The following KCNJ6 variants were observed in gnomAD, a reference collection of about 807,000 sequenced individuals.
KCNJ6 encodes the protein G protein-activated inward rectifier potassium channel 2.
Under a neutral mutation model 34.2 loss-of-function variants are expected in KCNJ6, and 9 were observed. The observed-to-expected ratio is 0.26, with a 90% confidence interval of 0.16 to 0.46. The LOEUF (loss-of-function observed/expected upper bound fraction) is 0.46. KCNJ6 is among the 20% of genes least tolerant of loss of function. The probability of loss-of-function intolerance (pLI) is 1.00; values close to 1 mark genes in which losing one functional copy is unlikely to be tolerated. For synonymous variants in KCNJ6, 196 were observed against 207.1 expected, an observed-to-expected ratio of 0.95 and a Z score of 0.46; for missense variants, 236 against 531.3, an observed-to-expected ratio of 0.44 and a Z score of 5.46.
chr21:37,778,689 C>CTGCG (rs1555843327), intron 2 of KCNJ6, among the ~76,000 whole-genome samples: 1 of 130,738 alleles, frequency 7.6e-6, no homozygotes, highest in African/African-American at 3.0e-5. Flanking sequence ...TATCCGTGTG[C>CTGCG]TGTGTGCGTG....
At chr21:37,885,209 T>C (rs776962839) in intron 1 of KCNJ6, among the ~76,000 whole-genome samples, 1 of 152,142 alleles carries the variant, frequency 6.6e-6, no homozygotes, top group African/African-American at 2.4e-5. Flanking sequence ...CTTCATCACA[T>C]AGCAGGGCTC....
rs138016015 is a variant in KCNJ6, at chr21:37,717,390, G to T, written c.26-2259C>A. Among the ~76,000 whole-genome samples, 14 of 145,576 alleles carry T rather than the reference G, an allele frequency of 9.6e-5. No homozygotes were observed. In the East Asian group the frequency reaches 3.6e-3, roughly 37 times the overall value. The stretch of plus-strand genomic sequence containing the variant: ...ACTGGAGTTAGGGTGGGTGTGTGGA[G>T]GGAGGCAGGGGCCATGTCCTTCTCA... On this transcript the variant is annotated intron_variant, in intron 2 of 3. Transcript: ENST00000609713.
At chr21:37,760,262 G>A (rs1271543568) in intron 2 of KCNJ6, among the ~76,000 whole-genome samples, 1 of 152,204 alleles carries the variant, frequency 6.6e-6, no homozygotes. Flanking sequence ...AGGTAGCAAT[G>A]GAGGATTAAT....
intron 1 of KCNJ6, among the ~76,000 whole-genome samples, chr21:37,884,260 G>A (rs1002061517): frequency 2.6e-5 from 4 of 152,126 alleles, no homozygotes; most frequent in Non-Finnish European, 4.4e-5. Context: ...ATCAAGTAGC[G>A]CAGCAATGGC....
intron 3 of KCNJ6, among the ~76,000 whole-genome samples, chr21:37,709,664 G>A (rs771534549): frequency 8.5e-5 from 13 of 152,206 alleles, no homozygotes; most frequent in Non-Finnish European, 1.5e-4. Context: ...GGCTTTCAAG[G>A]TCCTGCCCTG....
intron 2 of KCNJ6, among the ~76,000 whole-genome samples, chr21:37,740,454 T>C (rs2054935555): frequency 6.6e-6 from 1 of 152,200 alleles, no homozygotes; most frequent in Non-Finnish European, 1.5e-5. Context: ...ACTCAACCCA[T>C]TGTCGACTAG....
chr21:37,853,352 G>C (rs1056185622), intron 1 of KCNJ6, among the ~76,000 whole-genome samples: 10 of 151,796 alleles, frequency 6.6e-5, no homozygotes, highest in African/African-American at 2.4e-4. Flanking sequence ...AGAAACTGTG[G>C]AGGTCAGAAC....
intron 1 of KCNJ6, among the ~76,000 whole-genome samples, chr21:37,903,807 C>A (rs1200220829): frequency 1.3e-5 from 2 of 151,958 alleles, no homozygotes; most frequent in Non-Finnish European, 2.9e-5. Context: ...TGAACTGCAA[C>A]AATACTTGTA....
intron 1 of KCNJ6, among the ~76,000 whole-genome samples, chr21:37,879,824 T>G (rs1350946371): frequency 1.3e-5 from 2 of 151,146 alleles, no homozygotes; most frequent in African/African-American, 4.9e-5. Flanking sequence ...GGTTCCAGGT[T>G]GGATAAAAAT....
At position 37,618,392 on chromosome 21, in the gene KCNJ6, T is replaced by C. The variant is rs1271526278; in HGVS notation, c.*6767A>G. The C allele has an allele frequency of 1.3e-5, 2 of 152,214 alleles. No homozygotes were observed. Among genetic ancestry groups the C allele is most frequent in the Non-Finnish European group, 2.9e-5 (2 of 68,040 alleles). 9.4% of individuals were successfully genotyped at this position (152,214 alleles called of 1,614,324 possible). Reference sequence around the variant, plus strand: ...GGAAGACCTTGCCCTTTTGCTTGAATGTTTTGTGATTTCTATCAGAGTTTT... The same window carrying C: ...GGAAGACCTTGCCCTTTTGCTTGAACGTTTTGTGATTTCTATCAGAGTTTT... On this transcript the variant is annotated 3_prime_UTR_variant, in exon 4 of 4. Coordinates refer to ENST00000609713, the MANE Select transcript of KCNJ6 (RefSeq NM_002240.5).
At chr21:37,677,791 C>CCATCCATCCATCCAT (rs1399999027) in intron 3 of KCNJ6, among the ~76,000 whole-genome samples, 16 of 14,034 alleles carry the variant, frequency 1.1e-3, no homozygotes, top group East Asian at 5.2e-3. Context: ...CATCCATCCA[C>CCATCCATCCATCCAT]CCACCTATCC....
chr21:37,778,502 GA>G (rs1404671756), intron 2 of KCNJ6, among the ~76,000 whole-genome samples: 1 of 152,018 alleles, frequency 6.6e-6, no homozygotes, highest in Non-Finnish European at 1.5e-5. Flanking sequence ...TTTTGCAATG[GA>G]AGATAACTTA....
intron 2 of KCNJ6, among the ~76,000 whole-genome samples, chr21:37,778,080 C>T (rs373686488): frequency 4.6e-5 from 7 of 152,260 alleles, no homozygotes; most frequent in African/African-American, 9.6e-5. Context: ...TGACCTGAAG[C>T]GTTCAGGCAT....
intron 2 of KCNJ6, chr21:37,717,069 G>T (rs901323679): frequency 6.5e-6 from 1 of 154,090 alleles, no homozygotes; most frequent in African/African-American, 2.4e-5. Flanking sequence ...CTTGCTCATG[G>T]ATGATCAGTT....
intron 2 of KCNJ6, among the ~76,000 whole-genome samples, chr21:37,793,020 T>C (rs1341139709): frequency 1.3e-5 from 2 of 152,140 alleles, no homozygotes; most frequent in Non-Finnish European, 2.9e-5. Context: ...GGGACTCTGA[T>C]CCTAGGGCTT....
intron 2 of KCNJ6, among the ~76,000 whole-genome samples, chr21:37,786,456 T>G (rs2055193047): frequency 6.6e-6 from 1 of 152,200 alleles, no homozygotes; most frequent in Non-Finnish European, 1.5e-5. Context: ...TGGCTTAGAA[T>G]GGAGAAGACT....
chr21:37,863,846 GTTTTT>G (rs772060420), intron 1 of KCNJ6, among the ~76,000 whole-genome samples: 1 of 97,042 alleles, frequency 1.0e-5, no homozygotes, highest in African/African-American at 4.3e-5. Flanking sequence ...AAATATAAAG[GTTTTT>G]TTTTTTTTGT....
chr21:37,759,183 G>C (rs897091550), intron 2 of KCNJ6, among the ~76,000 whole-genome samples: 12 of 152,150 alleles, frequency 7.9e-5, no homozygotes, highest in Admixed American at 5.9e-4. Flanking sequence ...TCCTGGCTGG[G>C]AAGGCTAATT....
intron 2 of KCNJ6, among the ~76,000 whole-genome samples, chr21:37,752,108 C>A (rs960005509): frequency 2.0e-5 from 3 of 152,098 alleles, no homozygotes; most frequent in Admixed American, 1.3e-4. Flanking sequence ...TAAAGAAGAG[C>A]CTTCAGGAAT....
Sources: allele counts gnomAD v4.1 joint callset (sites outside exome capture counted in the v4.1 genomes callset), GRCh38; gene constraint gnomAD v4.1.1; transcripts MANE v1.5; gene names NCBI Gene and HGNC (gene_info 2026-07-23, HGNC 2026-07-21).